Variants in CUX1 observed in about 807,000 individuals in gnomAD.
CUX1 encodes cut like homeobox 1, also known as protein CASP.
Under a neutral mutation model 158.8 loss-of-function variants are expected in CUX1, and 31 were observed. The observed-to-expected ratio is 0.20, with a 90% CI of 0.15 to 0.26. CUX1 has a LOEUF of 0.26. Ranked by LOEUF, CUX1 falls within the 10% of genes least tolerant of loss-of-function variation. The probability of loss-of-function intolerance (pLI) is 1.00; values close to 1 mark genes in which losing one functional copy is unlikely to be tolerated. For synonymous variants in CUX1, 879 were observed against 862.1 expected, an observed-to-expected ratio of 1.02 and a Z score of -0.34; for missense variants, 1,589 against 2,014.6, an observed-to-expected ratio of 0.79 and a Z score of 4.04.
chr7:102,130,887 G>T (rs1326513294), intron 8 of CUX1, among the ~76,000 whole-genome samples: 1 of 151,838 alleles, frequency 6.6e-6, no homozygotes, highest in African/African-American at 2.4e-5. Flanking sequence ...GGTGGCTCAC[G>T]CCTGTAATCC....
At chr7:102,127,615 T>G (rs1273777186) in intron 8 of CUX1, among the ~76,000 whole-genome samples, 2 of 152,196 alleles carry the variant, frequency 1.3e-5, no homozygotes, top group Non-Finnish European at 2.9e-5. Flanking sequence ...AAATATTTCT[T>G]GCTTATCATT....
At chr7:101,837,979 C>T (rs181798624) in intron 1 of CUX1, among the ~76,000 whole-genome samples, 1 of 151,870 alleles carries the variant, frequency 6.6e-6, no homozygotes, top group African/African-American at 2.4e-5. Flanking sequence ...CATTTTCAGC[C>T]CCCTTTCCTC....
chr7:101,868,258 A>G (rs556653020), intron 1 of CUX1, among the ~76,000 whole-genome samples: 1 of 152,250 alleles, frequency 6.6e-6, no homozygotes, highest in Admixed American at 6.5e-5. Context: ...CCTTCTGTAG[A>G]GTTAAAACCT....
chr7:101,963,571 C>T (rs1810771698), intron 2 of CUX1, among the ~76,000 whole-genome samples: 1 of 152,116 alleles, frequency 6.6e-6, no homozygotes, highest in South Asian at 2.1e-4. Context: ...CTGGCCTGAT[C>T]CAGTCACTCA....
chr7:101,816,165 C>A, upstream of CUX1: 2 of 849,494 alleles, frequency 2.4e-6, no homozygotes, highest in South Asian at 4.7e-5. Flanking sequence ...CCGCCGGGGG[C>A]CCCGGGCTGG....
chr7:102,169,961 T>C (rs1423528295), intron 9 of CUX1, among the ~76,000 whole-genome samples: 1 of 152,246 alleles, frequency 6.6e-6, no homozygotes, highest in African/African-American at 2.4e-5. Flanking sequence ...ATTTACATCC[T>C]GTACGTTTAT....
chr7:102,001,066 A>T (rs1039730984), intron 2 of CUX1, among the ~76,000 whole-genome samples: 1 of 152,036 alleles, frequency 6.6e-6, no homozygotes, highest in Admixed American at 6.6e-5. Context: ...GGCATGAGTC[A>T]CCATGCCTGG....
chr7:102,189,232 G>T (rs950646210), intron 11 of CUX1, among the ~76,000 whole-genome samples: 23 of 152,016 alleles, frequency 1.5e-4, no homozygotes, highest in Admixed American at 9.2e-4. Flanking sequence ...AAAACCACAC[G>T]CTGCTTTTCA....
chr7:102,091,610 C>T (rs1554482249), intron 4 of CUX1, among the ~76,000 whole-genome samples: 1 of 152,226 alleles, frequency 6.6e-6, no homozygotes, highest in East Asian at 1.9e-4. Flanking sequence ...ACTGGGATTA[C>T]AGGCACGCAC....
chr7:102,104,563 G>C (rs1018886523), intron 6 of CUX1, 104 bp downstream of exon 6: 53 of 1,455,846 alleles, frequency 3.6e-5, no homozygotes, highest in Admixed American at 2.0e-4. Flanking sequence ...AGCCCAGGTT[G>C]TAACCCCAAA....
intron 11 of CUX1, among the ~76,000 whole-genome samples, chr7:102,186,063 C>G (rs909747376): frequency 6.6e-6 from 1 of 152,190 alleles, no homozygotes; most frequent in Non-Finnish European, 1.5e-5. Context: ...GCCTGTCGCC[C>G]GTCCCAGGGT....
chr7:101,824,796 T>C (rs777912215), intron 1 of CUX1: 4 of 152,206 alleles, frequency 2.6e-5, no homozygotes, highest in Non-Finnish European at 4.4e-5. Context: ...AAAGATACTA[T>C]GTAAATGAAA....
intron 1 of CUX1, among the ~76,000 whole-genome samples, chr7:101,832,544 G>A (rs975748526): frequency 6.6e-6 from 1 of 152,134 alleles, no homozygotes; most frequent in African/African-American, 2.4e-5. Flanking sequence ...CCCACACTTC[G>A]GCGTTGGACG....
chr7:102,069,773 C>A (rs1825932288), intron 3 of CUX1, among the ~76,000 whole-genome samples: 1 of 152,118 alleles, frequency 6.6e-6, no homozygotes, highest in Non-Finnish European at 1.5e-5. Flanking sequence ...TTATGAAATT[C>A]TTTGCTCCTG....
chr7:102,280,134 G>C lies in CUX1; in HGVS notation c.1764+14G>C, dbSNP rs782393390. 2.6e-5 allele frequency: 41 copies of C among 1,581,048 alleles called. No individual in the cohort carries two copies. In the South Asian group the frequency reaches 4.3e-4, roughly 17 times the overall value. ...TTCAGCAAGCGGGTTCGTGAGCCCA[G>C]CCTGGGCAGGGGAGGGGAGGGGCAT... On this transcript the variant is annotated intron_variant, in intron 19 of 22. Coordinates refer to the CUX1 transcript ENST00000292538.
intron 4 of CUX1, among the ~76,000 whole-genome samples, chr7:102,075,190 C>T (rs1289504414): frequency 6.6e-6 from 1 of 152,124 alleles, no homozygotes; most frequent in Non-Finnish European, 1.5e-5. Context: ...CAACTCTGGC[C>T]ATCCAACCTC....
At chr7:102,094,266 G>A (rs1828955207) in intron 4 of CUX1, among the ~76,000 whole-genome samples, 2 of 152,222 alleles carry the variant, frequency 1.3e-5, no homozygotes, top group East Asian at 1.9e-4. Flanking sequence ...ATTCAACTGT[G>A]CTGTAGTAAA....
chr7:101,867,147 G>A (rs1238142096), intron 1 of CUX1, among the ~76,000 whole-genome samples: 5 of 152,072 alleles, frequency 3.3e-5, no homozygotes, highest in Non-Finnish European at 7.4e-5. Context: ...AACCTCGGAG[G>A]CGGAGGCTGC....
At position 101,938,426 on chromosome 7, in the gene CUX1, G is replaced by A. The variant is rs79505097; in HGVS notation, c.141+22201G>A. Among the ~76,000 whole-genome samples the A allele has an allele frequency of 5.9e-5, 9 of 152,290 alleles. No individual in the cohort carries two copies. In the East Asian group the frequency reaches 1.7e-3, roughly 29 times the overall value. ...CTGGCCGATATCCACCATGTTTGGA[G>A]CCTGTTTTTGGTTACATTTCATCCT... On this transcript the variant is annotated intron_variant, in intron 2 of 23. Coordinates refer to ENST00000292535, the MANE Select transcript of CUX1 (RefSeq NM_181552.4).
Sources: gnomAD v4.1 joint callset for allele counts (sites outside exome capture counted in the v4.1 genomes callset) on GRCh38, gnomAD v4.1.1 for gene constraint, MANE v1.5 for transcripts, NCBI Gene and HGNC (gene_info 2026-07-23, HGNC 2026-07-21) for gene names.